Variants in GOT2 observed in about 807,000 individuals in gnomAD.
GOT2 encodes aspartate aminotransferase, mitochondrial.
GOT2 carries 17 observed loss-of-function variants against 50.0 expected under a neutral mutation model. The ratio of observed to expected loss-of-function variants is 0.34; its 90% confidence interval spans 0.23 to 0.51. GOT2 has a LOEUF of 0.51. GOT2 is among the 20% of genes least tolerant of loss of function. The probability of loss-of-function intolerance (pLI) is 0.97; values close to 1 mark genes in which losing one functional copy is unlikely to be tolerated. For missense variants in GOT2, 430 were observed against 559.6 expected (o/e 0.77, Z 2.34); for synonymous variants, 172 against 204.9 (o/e 0.84, Z 1.37).
chr16:58,718,442 C>T, intron 5 of GOT2, 85 bp downstream of exon 5: 2 of 1,402,502 alleles, frequency 1.4e-6, no homozygotes, highest in Non-Finnish European at 2.0e-6. Flanking sequence ...TATTTTAACT[C>T]AGATATTGGG....
At position 58,720,760 on chromosome 16, in the gene GOT2, G is replaced by A. The variant is rs1229119811; in HGVS notation, c.375+1390C>T. Among the ~76,000 whole-genome samples, 3 of 150,948 alleles carry A rather than the reference G, an allele frequency of 2.0e-5. No individual in the cohort carries two copies. In the East Asian group the frequency reaches 5.8e-4, roughly 29 times the overall value. ...CACCTGGCTAATTTTTGTATTTTTA[G>A]TAGAGACGGGGGGGCGGGTCTCACC... On this transcript the variant is annotated intron_variant, in intron 3 of 9. Coordinates refer to ENST00000245206, the MANE Select transcript of GOT2 (RefSeq NM_002080.4).
intron 1 of GOT2, among the ~76,000 whole-genome samples, chr16:58,733,477 G>T (rs888584743): frequency 6.6e-6 from 1 of 151,776 alleles, no homozygotes; most frequent in Non-Finnish European, 1.5e-5. Flanking sequence ...GGGCAATAAG[G>T]AAAAAACAAA....
chr16:58,713,907 A>C (rs2044669335), intron 8 of GOT2, among the ~76,000 whole-genome samples: 1 of 152,196 alleles, frequency 6.6e-6, no homozygotes, highest in African/African-American at 2.4e-5. Flanking sequence ...AAAATTCATA[A>C]ACAAATGGGT....
intron 7 of GOT2, 33 bp from the exon 8 acceptor site, chr16:58,716,212 T>A: frequency 6.3e-7 from 1 of 1,598,346 alleles, no homozygotes; most frequent in Non-Finnish European, 8.6e-7. Flanking sequence ...GTCTTCTACT[T>A]CTACTATCTA....
intron 8 of GOT2, among the ~76,000 whole-genome samples, chr16:58,710,064 G>T (rs998566789): frequency 6.6e-6 from 1 of 152,164 alleles, no homozygotes; most frequent in Non-Finnish European, 1.5e-5. Flanking sequence ...TGTATTAAAT[G>T]AATTTTCTTT....
At position 58,719,733 on chromosome 16, in the gene GOT2, C is replaced by T. The variant is rs372790676; in HGVS notation, c.376-478G>A. On this transcript the variant is annotated intron_variant, in intron 3 of 9. Coordinates refer to ENST00000245206, the MANE Select transcript of GOT2 (RefSeq NM_002080.4). Reference sequence around the variant, plus strand: ...CTGTGCCATTGCATTCTAGCATGGGCAAAAGAGTGAGACTCTGTCTCAAAA... The same window carrying T: ...CTGTGCCATTGCATTCTAGCATGGGTAAAAGAGTGAGACTCTGTCTCAAAA... 1.4e-3 allele frequency among the ~76,000 whole-genome samples: 214 copies of T among 151,596 alleles called. No individual in the cohort carries two copies. In the Middle Eastern group the frequency reaches 0.048, roughly 34 times the overall value.
chr16:58,719,313 C>T, intron 3 of GOT2, 58 bp from the exon 4 acceptor site: 6 of 1,159,660 alleles, frequency 5.2e-6, no homozygotes, highest in Non-Finnish European at 6.5e-6. Context: ...AGGCCCAGAC[C>T]CAGGGCCACT....
At chr16:58,715,309 G>A (rs371373900) in intron 8 of GOT2, among the ~76,000 whole-genome samples, 3 of 152,156 alleles carry the variant, frequency 2.0e-5, no homozygotes, top group East Asian at 3.8e-4. Flanking sequence ...TGATTTTAGG[G>A]GAAAGCAGGT....
At chr16:58,710,732 ATTAG>A (rs1266534266) in intron 8 of GOT2, among the ~76,000 whole-genome samples, 5 of 45,578 alleles carry the variant, frequency 1.1e-4, no homozygotes, top group African/African-American at 2.9e-4. Context: ...ATACAAAAAA[ATTAG>A]CCGGGCGGAT....
In GOT2 at chr16:58,730,002, G is replaced by T. The variant is rs576444147; in HGVS notation, c.89+4138C>A. 2.0e-5 allele frequency among the ~76,000 whole-genome samples: 3 copies of T among 152,214 alleles called. No homozygotes were observed. In the East Asian group the frequency reaches 5.8e-4, roughly 29 times the overall value. On this transcript the variant is annotated intron_variant, in intron 1 of 9. Coordinates refer to ENST00000245206, the MANE Select transcript of GOT2 (RefSeq NM_002080.4). ...GATTGAAAATGAAGTACAGATTAAA[G>T]AACACAGGTATGAAAACTATGTATC...
intron 3 of GOT2, among the ~76,000 whole-genome samples, chr16:58,721,073 C>T (rs76310496): frequency 0.011 from 1,712 of 152,240 alleles, 17 homozygotes; most frequent in Middle Eastern, 0.041. Context: ...TTCTATTTGA[C>T]GTAGGATAAT....
chr16:58,732,493 A>C (rs1042227940), intron 1 of GOT2, among the ~76,000 whole-genome samples: 1 of 151,604 alleles, frequency 6.6e-6, no homozygotes, highest in African/African-American at 2.4e-5. Flanking sequence ...AAAATGTCAT[A>C]CTGTATTTGT....
chr16:58,730,257 G>A (rs1198666872), intron 1 of GOT2, among the ~76,000 whole-genome samples: 1 of 152,066 alleles, frequency 6.6e-6, no homozygotes, highest in Non-Finnish European at 1.5e-5. Context: ...CTGGGGGTTT[G>A]GTGTACAGAT....
chr16:58,710,824 C>T (rs977118895), intron 8 of GOT2, among the ~76,000 whole-genome samples: 12 of 150,764 alleles, frequency 8.0e-5, no homozygotes, highest in Admixed American at 2.0e-4. Flanking sequence ...AAAAATTAGC[C>T]GGGCGTGGCA....
rs372168439 is a variant in GOT2, at chr16:58,718,193, C to T, written c.702+3G>A. 8 of 1,603,454 alleles carry T rather than the reference C, an allele frequency of 5.0e-6. No homozygotes were observed. Among genetic ancestry groups the T allele is most frequent in the Admixed American group, 1.7e-5 (1 of 60,008 alleles). On this transcript the variant is annotated splice_donor_region_variant and intron_variant, in intron 6 of 9. Coordinates refer to ENST00000245206, the MANE Select transcript of GOT2 (RefSeq NM_002080.4). ...CTGTCGCCAGTGAGTTCATCGTCCT[C>T]ACCTTCACCACTGTTGCTATTTCCT...
rs192735288 is a variant in GOT2 at position 58,717,532 on chromosome 16, T to C, written c.702+664A>G. The stretch of plus-strand genomic sequence containing the variant: ...GCTGGCTACACTTTGAGAGTGATCA[T>C]GGCAATGCTGCAAAGGAGAGGACAT... On this transcript the variant is annotated intron_variant, in intron 6 of 9. Coordinates refer to ENST00000245206, the MANE Select transcript of GOT2 (RefSeq NM_002080.4). 1.2e-4 allele frequency among the ~76,000 whole-genome samples: 19 copies of C among 152,274 alleles called. No homozygotes were observed. In the East Asian group the frequency reaches 3.1e-3, roughly 25 times the overall value.
chr16:58,714,509 G>A (rs944879136), intron 8 of GOT2, among the ~76,000 whole-genome samples: 1 of 149,420 alleles, frequency 6.7e-6, no homozygotes, highest in Admixed American at 6.7e-5. Context: ...CCGAGATCCC[G>A]CCACTGCACT....
chr16:58,718,408 C>A, intron 5 of GOT2, 108 bp from the exon 6 acceptor site: 1 of 1,318,848 alleles, frequency 7.6e-7, no homozygotes, highest in South Asian at 1.3e-5. Context: ...GTAACCAGAA[C>A]CCTGGGAATC....
intron 8 of GOT2, 65 bp from the exon 9 acceptor site, chr16:58,709,632 T>C: frequency 1.4e-6 from 2 of 1,438,068 alleles, no homozygotes; most frequent in Non-Finnish European, 1.9e-6. Context: ...TGGAGTTCAC[T>C]GCATTTTTAC....
Sources: allele counts gnomAD v4.1 joint callset (sites outside exome capture counted in the v4.1 genomes callset), GRCh38; gene constraint gnomAD v4.1.1; transcripts MANE v1.5; gene names NCBI Gene and HGNC (gene_info 2026-07-23, HGNC 2026-07-21).